RABGAP1L: variants seen among roughly 807,000 people sequenced by gnomAD.
RABGAP1L encodes the protein RAB GTPase activating protein 1 like, also known as rab GTPase-activating protein 1-like.
Under a neutral mutation model 137.7 loss-of-function variants are expected in RABGAP1L, and 63 were observed. That is an observed-to-expected ratio of 0.46 (90% CI 0.37 to 0.56). The LOEUF (loss-of-function observed/expected upper bound fraction) is 0.56, where lower values mean the gene tolerates loss of function less well. RABGAP1L is among the 20% of genes least tolerant of loss of function. The pLI is 0.00. For synonymous variants in RABGAP1L, 431 were observed against 433.7 expected (o/e 0.99, Z 0.08); for missense variants, 1,095 against 1,244.0 (o/e 0.88, Z 1.80).
intron 15 of RABGAP1L, 124 bp downstream of exon 15, chr1:174,683,720 TAAAATGTACGTTAGG>T: frequency 1.6e-6 from 1 of 645,036 alleles, no homozygotes; most frequent in Non-Finnish European, 2.6e-6. Flanking sequence ...ATATCTTTTT[TAAAATGTACGTTAGG>T]TGATAAAGTA....
chr1:174,548,343 G>C (rs1012900260), intron 13 of RABGAP1L: 26 of 1,141,352 alleles, frequency 2.3e-5, no homozygotes, highest in Non-Finnish European at 2.7e-5. Flanking sequence ...TGTTTTTAAA[G>C]TGCTCTATTA....
At chr1:174,785,355 C>T (rs1687376906) in intron 18 of RABGAP1L, among the ~76,000 whole-genome samples, 1 of 152,174 alleles carries the variant, frequency 6.6e-6, no homozygotes, top group Non-Finnish European at 1.5e-5. Flanking sequence ...TGAGCCACTG[C>T]ACTCACCCTG....
chr1:174,678,306 A>G (rs1677789447), intron 14 of RABGAP1L, among the ~76,000 whole-genome samples: 4 of 152,202 alleles, frequency 2.6e-5, no homozygotes, highest in Non-Finnish European at 5.9e-5. Context: ...AATTAATACC[A>G]GTCTTACGCA....
chr1:174,416,037 C>CACATTTACAT (rs1483801335), intron 13 of RABGAP1L, among the ~76,000 whole-genome samples: 1 of 126,270 alleles, frequency 7.9e-6, no homozygotes, highest in African/African-American at 3.7e-5. Flanking sequence ...TATATATATA[C>CACATTTACAT]ACACACATTT....
intron 13 of RABGAP1L, among the ~76,000 whole-genome samples, chr1:174,506,148 G>A (rs1028524284): frequency 2.0e-5 from 3 of 152,226 alleles, no homozygotes; most frequent in African/African-American, 7.2e-5. Context: ...GGAGGATTGG[G>A]AAGATGTTGG....
intron 19 of RABGAP1L, among the ~76,000 whole-genome samples, chr1:174,832,578 T>C (rs58266314): frequency 6.8e-6 from 1 of 147,842 alleles, no homozygotes; most frequent in African/African-American, 2.5e-5. Context: ...GCTATGAGCA[T>C]GTTGCAAAAG....
At chr1:174,379,443 T>C (rs1249974762) in intron 12 of RABGAP1L, among the ~76,000 whole-genome samples, 1 of 149,020 alleles carries the variant, frequency 6.7e-6, no homozygotes, top group East Asian at 1.9e-4. Context: ...TCCATTTGTA[T>C]GTATCCTCTT....
chr1:174,804,918 C>T (rs1689125027), intron 18 of RABGAP1L, among the ~76,000 whole-genome samples: 1 of 152,140 alleles, frequency 6.6e-6, no homozygotes, highest in South Asian at 2.1e-4. Flanking sequence ...TATGTCTTCC[C>T]TTTTTACCTC....
At chr1:174,701,028 T>C (rs2148520678) in intron 16 of RABGAP1L, 1 of 1,293,510 alleles carries the variant, frequency 7.7e-7, no homozygotes, top group South Asian at 1.3e-5. Flanking sequence ...ATGGGCACAT[T>C]TGGCTATTTT....
At chr1:174,519,460 G>C (rs541253898) in intron 13 of RABGAP1L, among the ~76,000 whole-genome samples, 10 of 151,958 alleles carry the variant, frequency 6.6e-5, no homozygotes, top group Non-Finnish European at 4.4e-5. Flanking sequence ...CTTTATATTC[G>C]CTGGCAGCTG....
At chr1:174,285,478 G>A (rs1196089944) in intron 10 of RABGAP1L, among the ~76,000 whole-genome samples, 1 of 148,252 alleles carries the variant, frequency 6.7e-6, no homozygotes, top group African/African-American at 2.5e-5. Context: ...AATTTTGAAT[G>A]TTAAGTTTGT....
chr1:174,772,835 G>A (rs1244291145), intron 18 of RABGAP1L, among the ~76,000 whole-genome samples: 6 of 151,828 alleles, frequency 4.0e-5, no homozygotes, highest in Non-Finnish European at 8.8e-5. Flanking sequence ...GAATTATATC[G>A]TATTTGTCTT....
chr1:174,264,916 T>C (rs1254550372), intron 7 of RABGAP1L, among the ~76,000 whole-genome samples: 2 of 152,136 alleles, frequency 1.3e-5, no homozygotes, highest in African/African-American at 2.4e-5. Flanking sequence ...TCTTATTTTA[T>C]CAAAAGTTAA....
chr1:174,239,967 C>T (rs1490184204), intron 4 of RABGAP1L, among the ~76,000 whole-genome samples: 1 of 152,162 alleles, frequency 6.6e-6, no homozygotes, highest in Non-Finnish European at 1.5e-5. Context: ...TTGAATTTTT[C>T]AGGAAAGGGT....
intron 11 of RABGAP1L, among the ~76,000 whole-genome samples, chr1:174,365,024 C>T (rs1443991941): frequency 1.3e-5 from 2 of 152,182 alleles, no homozygotes; most frequent in Non-Finnish European, 2.9e-5. Flanking sequence ...GTCCTCTTTA[C>T]TCTTTGCTGT....
chr1:174,334,074 C>A (rs1681266031), intron 11 of RABGAP1L, among the ~76,000 whole-genome samples: 1 of 152,168 alleles, frequency 6.6e-6, no homozygotes, highest in Admixed American at 6.5e-5. Context: ...GTCATATGTC[C>A]ATGTTGAGAC....
At chr1:174,581,351 G>A (rs551459134) in intron 13 of RABGAP1L, among the ~76,000 whole-genome samples, 2 of 152,302 alleles carry the variant, frequency 1.3e-5, no homozygotes, top group East Asian at 3.9e-4. Context: ...GAATATTACT[G>A]AGCAGTAAAA....
Position 174,701,157 on chromosome 1 carries a change from G to A in RABGAP1L, c.2026-956G>A, listed in dbSNP as rs200518098. The A allele has an allele frequency of 1.7e-4, 225 of 1,304,348 alleles. No individual in the cohort carries two copies. The Middle Eastern group carries it at 1.9e-3, about 11-fold the overall frequency. The allele number at this position is 1,304,348 out of a possible 1,614,324, so 80.8% of individuals were successfully genotyped here. On this transcript the variant is annotated intron_variant, in intron 16 of 25. Transcript: ENST00000681986. ...GTCTTTCAGTTATGGTAATAGCTAT[G>A]CTAATACTTTGTACCTTGCTGTTCA...
At chr1:174,836,749 G>A (rs1314329325) in intron 19 of RABGAP1L, among the ~76,000 whole-genome samples, 1 of 152,128 alleles carries the variant, frequency 6.6e-6, no homozygotes, top group Non-Finnish European at 1.5e-5. Flanking sequence ...TGCATTGTTG[G>A]CTTCATCGCT....
Sources: gnomAD v4.1 joint callset for allele counts (sites outside exome capture counted in the v4.1 genomes callset) on GRCh38, gnomAD v4.1.1 for gene constraint, MANE v1.5 for transcripts, NCBI Gene and HGNC (gene_info 2026-07-23, HGNC 2026-07-21) for gene names.